Variants in DOCK4 observed in about 807,000 individuals in gnomAD.
DOCK4 encodes the protein dedicator of cytokinesis protein 4.
Under a neutral mutation model 268.1 loss-of-function variants are expected in DOCK4, and 97 were observed. That is an observed-to-expected ratio of 0.36 (90% CI 0.31 to 0.43). The LOEUF is 0.43. DOCK4 is among the 20% of genes least tolerant of loss of function. The pLI, the probability that DOCK4 is intolerant of heterozygous loss-of-function variation, is 1.00. For synonymous variants in DOCK4, 954 were observed against 887.2 expected, an observed-to-expected ratio of 1.08 and a Z score of -1.34; for missense variants, 2,145 against 2,455.7, an observed-to-expected ratio of 0.87 and a Z score of 2.67.
chr7:111,759,098 A>G (rs1205737650), intron 40 of DOCK4, among the ~76,000 whole-genome samples: 1 of 152,112 alleles, frequency 6.6e-6, no homozygotes, highest in African/African-American at 2.4e-5. Flanking sequence ...GTGTAGGTAG[A>G]TGGGAATGGT....
At chr7:111,801,135 TA>T in intron 30 of DOCK4, among the ~76,000 whole-genome samples, 1 of 152,200 alleles carries the variant, frequency 6.6e-6, no homozygotes, top group Non-Finnish European at 1.5e-5. Flanking sequence ...CACCTCCGGA[TA>T]ACACCATGTG....
At chr7:112,105,028 G>A (rs1811012573) in intron 1 of DOCK4, among the ~76,000 whole-genome samples, 1 of 152,138 alleles carries the variant, frequency 6.6e-6, no homozygotes, top group African/African-American at 2.4e-5. Context: ...TTAATATGCT[G>A]CTGGGATCAT....
intron 1 of DOCK4, among the ~76,000 whole-genome samples, chr7:112,132,501 C>T (rs968361251): frequency 6.6e-6 from 1 of 151,982 alleles, no homozygotes; most frequent in Non-Finnish European, 1.5e-5. Flanking sequence ...GAGATGATAT[C>T]TAGAAACAAC....
intron 30 of DOCK4, among the ~76,000 whole-genome samples, chr7:111,798,043 G>C (rs952426677): frequency 9.2e-5 from 14 of 152,210 alleles, no homozygotes; most frequent in Non-Finnish European, 1.8e-4. Context: ...AAGGACAAAG[G>C]CTCTAGCAGC....
At chr7:111,738,896 C>T (rs1215987547) in intron 49 of DOCK4, among the ~76,000 whole-genome samples, 1 of 151,982 alleles carries the variant, frequency 6.6e-6, no homozygotes, top group African/African-American at 2.4e-5. Context: ...CAGGATTGTG[C>T]CACTGCACTC....
chr7:112,171,720 G>C (rs1381528733), intron 1 of DOCK4, among the ~76,000 whole-genome samples: 1 of 152,098 alleles, frequency 6.6e-6, no homozygotes, highest in Non-Finnish European at 1.5e-5. Flanking sequence ...AATTATAGTT[G>C]GAAAGTATAT....
chr7:111,786,794 T>C (rs910069801), intron 32 of DOCK4, among the ~76,000 whole-genome samples: 4 of 152,224 alleles, frequency 2.6e-5, no homozygotes, highest in Admixed American at 1.3e-4. Context: ...GTGATTTCTG[T>C]TGCCAAAAAA....
rs115722757 is a variant in DOCK4, at chr7:112,019,886, C to A, written c.38-15755G>T. On this transcript the variant is annotated intron_variant, in intron 1 of 52. Coordinates refer to ENST00000428084, the MANE Select transcript of DOCK4 (RefSeq NM_001363540.2). Reference sequence around the variant, plus strand: ...AAAATTCTGCATTTTGCTGTGAGTTCTTCCTAAAAACACAGGCAACCAGGA... The same window carrying A: ...AAAATTCTGCATTTTGCTGTGAGTTATTCCTAAAAACACAGGCAACCAGGA... Among the ~76,000 whole-genome samples, 419 of 152,248 alleles carry A rather than the reference C, an allele frequency of 2.8e-3. 3 individuals are homozygous for A. The highest frequency in any genetic ancestry group is 9.7e-3 in the African/African-American group (403 of 41,546).
intron 1 of DOCK4, among the ~76,000 whole-genome samples, chr7:112,026,692 C>T (rs34009550): frequency 0.047 from 7,152 of 152,272 alleles, 236 homozygotes; most frequent in Non-Finnish European, 0.07. Flanking sequence ...CATGCATTGA[C>T]CTACTGTTTA....
chr7:111,817,519 CA>C (rs1197023451), intron 27 of DOCK4, among the ~76,000 whole-genome samples: 1 of 152,012 alleles, frequency 6.6e-6, no homozygotes, highest in Non-Finnish European at 1.5e-5. Flanking sequence ...AGTCTTACCA[CA>C]AAAAACAATG....
At chr7:111,805,499 T>C (rs1800608264) in intron 30 of DOCK4, among the ~76,000 whole-genome samples, 1 of 152,240 alleles carries the variant, frequency 6.6e-6, no homozygotes, top group Non-Finnish European at 1.5e-5. Context: ...GTCTGTTAGA[T>C]GATTTATGGT....
intron 30 of DOCK4, among the ~76,000 whole-genome samples, chr7:111,798,400 C>G (rs1800047930): frequency 6.6e-6 from 1 of 152,232 alleles, no homozygotes; most frequent in South Asian, 2.1e-4. Context: ...GCCAGTCTCT[C>G]TCTTTTCTCC....
intron 16 of DOCK4, among the ~76,000 whole-genome samples, chr7:111,891,135 A>G (rs1586281761): frequency 6.6e-6 from 1 of 152,270 alleles, no homozygotes. Context: ...TAAATAGTAT[A>G]AAACAAGGCT....
chr7:111,983,860 G>GCACA (rs375791144), intron 7 of DOCK4, among the ~76,000 whole-genome samples: 11,491 of 128,704 alleles, frequency 0.089, 586 homozygotes, highest in Middle Eastern at 0.17. Flanking sequence ...GCGCGCGCGC[G>GCACA]CGCACACACA....
chr7:111,817,352 A>G (rs1801631799), intron 27 of DOCK4, among the ~76,000 whole-genome samples: 1 of 152,234 alleles, frequency 6.6e-6, no homozygotes, highest in Non-Finnish European at 1.5e-5. Context: ...ATGGATGCTC[A>G]GCAGATTAGC....
intron 1 of DOCK4, among the ~76,000 whole-genome samples, chr7:112,133,273 CAAAATAGAGT>C (rs11278426): frequency 0.052 from 7,861 of 152,162 alleles, 294 homozygotes; most frequent in East Asian, 0.16. Context: ...AGAGAGAAAC[CAAAATAGAGT>C]CCAGGGCTGA....
At chr7:111,892,999 A>G (rs1360639808) in intron 16 of DOCK4, among the ~76,000 whole-genome samples, 1 of 152,208 alleles carries the variant, frequency 6.6e-6, no homozygotes, top group Non-Finnish European at 1.5e-5. Context: ...CAAATTAGAC[A>G]GCCTACACAT....
intron 30 of DOCK4, chr7:111,808,046 G>A (rs974131751): frequency 6.6e-6 from 1 of 152,052 alleles, no homozygotes; most frequent in African/African-American, 2.4e-5. Context: ...CAAGAGAAAA[G>A]ATATTTTCAG....
intron 1 of DOCK4, among the ~76,000 whole-genome samples, chr7:112,005,623 C>T (rs970687927): frequency 5.3e-5 from 8 of 152,206 alleles, no homozygotes; most frequent in African/African-American, 1.9e-4. Flanking sequence ...ACTGAACTGA[C>T]AGTAGATTGA....
Sources: allele counts gnomAD v4.1 joint callset (sites outside exome capture counted in the v4.1 genomes callset), GRCh38; gene constraint gnomAD v4.1.1; transcripts MANE v1.5; gene names NCBI Gene and HGNC (gene_info 2026-07-23, HGNC 2026-07-21).